TFEC: variants seen among roughly 807,000 people sequenced by gnomAD.
TFEC encodes the protein transcription factor EC.
TFEC carries 31 observed loss-of-function variants against 41.6 expected under a neutral mutation model. That is an observed-to-expected ratio of 0.74 (90% CI 0.56 to 1.01). The LOEUF (loss-of-function observed/expected upper bound fraction) is 1.01. Ranked by LOEUF, TFEC falls within the 50% of genes least tolerant of loss-of-function variation. The pLI, the probability that TFEC is intolerant of heterozygous loss-of-function variation, is 0.00. For missense variants in TFEC, 402 were observed against 404.1 expected, an observed-to-expected ratio of 0.99 and a Z score of 0.04; for synonymous variants, 143 against 140.6, an observed-to-expected ratio of 1.02 and a Z score of -0.12.
chr7:116,071,038 G>C (rs946980674), intron 3 of TFEC, among the ~76,000 whole-genome samples: 1 of 151,170 alleles, frequency 6.6e-6, no homozygotes, highest in Non-Finnish European at 1.5e-5. Flanking sequence ...AGAAAAGAAA[G>C]ACAAAGATTC....
intron 3 of TFEC, among the ~76,000 whole-genome samples, chr7:115,972,348 A>G (rs974812328): frequency 1.3e-5 from 2 of 152,132 alleles, no homozygotes; most frequent in Non-Finnish European, 2.9e-5. Flanking sequence ...GCCTTCAGAG[A>G]CCAATATTTT....
At chr7:116,039,184 A>T (rs1447787030) in intron 3 of TFEC, among the ~76,000 whole-genome samples, 5 of 152,102 alleles carry the variant, frequency 3.3e-5, no homozygotes, top group Admixed American at 6.6e-5. Context: ...AACTTTTCCC[A>T]GGAAATCACT....
chr7:116,119,727 T>A (rs1163014096), intron 1 of TFEC, among the ~76,000 whole-genome samples: 2 of 151,814 alleles, frequency 1.3e-5, no homozygotes, highest in Non-Finnish European at 2.9e-5. Flanking sequence ...TACATTTTAT[T>A]TACCAAAATC....
At chr7:116,038,606 C>T (rs1033727425) in intron 3 of TFEC, among the ~76,000 whole-genome samples, 1 of 151,950 alleles carries the variant, frequency 6.6e-6, no homozygotes, top group Non-Finnish European at 1.5e-5. Context: ...ATGCTATATT[C>T]AAACTAGAGA....
At chr7:116,002,979 G>A (rs182393356) in intron 1 of TFEC, among the ~76,000 whole-genome samples, 143 of 151,920 alleles carry the variant, frequency 9.4e-4, no homozygotes, top group Non-Finnish European at 1.7e-3. Context: ...CACAAAAGGC[G>A]AAAAAAGAGT....
At chr7:116,042,788 T>C (rs1230292475) in intron 3 of TFEC, among the ~76,000 whole-genome samples, 1 of 152,154 alleles carries the variant, frequency 6.6e-6, no homozygotes, top group Non-Finnish European at 1.5e-5. Flanking sequence ...CTAAATTCCA[T>C]TAAGAAATCT....
intron 3 of TFEC, among the ~76,000 whole-genome samples, chr7:116,063,072 A>C (rs1380601959): frequency 6.6e-6 from 1 of 152,246 alleles, no homozygotes; most frequent in Non-Finnish European, 1.5e-5. Flanking sequence ...TTATCAATAC[A>C]AGAGAATACT....
intron 3 of TFEC, among the ~76,000 whole-genome samples, chr7:116,040,636 C>T (rs1285211016): frequency 2.0e-5 from 3 of 152,050 alleles, no homozygotes; most frequent in Non-Finnish European, 4.4e-5. Context: ...TTGTATTGGT[C>T]AGCTTTAAGT....
chr7:116,158,926 A>G (rs1798921877), intron 1 of TFEC, among the ~76,000 whole-genome samples: 1 of 152,012 alleles, frequency 6.6e-6, no homozygotes, highest in Non-Finnish European at 1.5e-5. Flanking sequence ...TTTTGTCCCT[A>G]AAAGATTATA....
intron 1 of TFEC, among the ~76,000 whole-genome samples, chr7:116,010,180 G>A (rs1360865285): frequency 2.0e-5 from 3 of 152,158 alleles, no homozygotes; most frequent in Non-Finnish European, 2.9e-5. Flanking sequence ...GAGGCTAGTA[G>A]GGCCAGCCCA....
chr7:116,012,578 A>C (rs775575764), intron 1 of TFEC, among the ~76,000 whole-genome samples: 1 of 152,122 alleles, frequency 6.6e-6, no homozygotes, highest in Non-Finnish European at 1.5e-5. Context: ...TAAAGCCATA[A>C]ATGGGAACAT....
At chr7:116,104,726 G>C (rs1161276633) in intron 3 of TFEC, among the ~76,000 whole-genome samples, 6 of 149,826 alleles carry the variant, frequency 4.0e-5, no homozygotes, top group Non-Finnish European at 5.9e-5. Flanking sequence ...CAGTCCACTT[G>C]ACATAATTTT....
At chr7:116,099,654 T>C (rs1797558986) in intron 3 of TFEC, among the ~76,000 whole-genome samples, 1 of 152,154 alleles carries the variant, frequency 6.6e-6, no homozygotes, top group Non-Finnish European at 1.5e-5. Context: ...TGTCTTAAAA[T>C]ATCAATCTCC....
At chr7:116,039,931 A>G (rs1443623493) in intron 3 of TFEC, among the ~76,000 whole-genome samples, 1 of 152,092 alleles carries the variant, frequency 6.6e-6, no homozygotes, top group East Asian at 1.9e-4. Context: ...AACAAAGCAA[A>G]ATTAGATAAA....
intron 3 of TFEC, among the ~76,000 whole-genome samples, chr7:116,083,755 G>C (rs1203174403): frequency 6.6e-6 from 1 of 151,864 alleles, no homozygotes; most frequent in Non-Finnish European, 1.5e-5. Flanking sequence ...CTAAATATTA[G>C]TGTAAAAGCT....
chr7:116,148,908 A>T (rs1048316900), intron 1 of TFEC, among the ~76,000 whole-genome samples: 1 of 152,120 alleles, frequency 6.6e-6, no homozygotes, highest in African/African-American at 2.4e-5. Context: ...TACAGAAAAA[A>T]AAAAAATGGC....
At chr7:116,139,408 C>A (rs982672539) in intron 1 of TFEC, among the ~76,000 whole-genome samples, 1 of 152,190 alleles carries the variant, frequency 6.6e-6, no homozygotes, top group Non-Finnish European at 1.5e-5. Flanking sequence ...CTTCTCAACC[C>A]GTCCTCAGCC....
chr7:116,003,622 A>G (rs1250685757), intron 1 of TFEC, among the ~76,000 whole-genome samples: 1 of 152,162 alleles, frequency 6.6e-6, no homozygotes, highest in Non-Finnish European at 1.5e-5. Context: ...AGACAACAAA[A>G]GTATCAATCA....
rs777973648 is a variant in TFEC at position 116,125,520 on chromosome 7, T to G, written c.-68-13482A>C. Among the ~76,000 whole-genome samples the G allele has an allele frequency of 2.5e-3, 384 of 152,274 alleles. 3 individuals are homozygous for G. Among genetic ancestry groups the G allele is most frequent in the Middle Eastern group, 0.01 (3 of 294 alleles). Reference sequence around the variant, plus strand: ...ATGGTTGTGCTTTGGAACAATTAGGTAGCAATGCATGAATTGGTCTTGAAT... The same window carrying G: ...ATGGTTGTGCTTTGGAACAATTAGGGAGCAATGCATGAATTGGTCTTGAAT... On this transcript the variant is annotated intron_variant, in intron 1 of 8. Transcript: ENST00000484212.
Sources: allele counts gnomAD v4.1 joint callset (sites outside exome capture counted in the v4.1 genomes callset), GRCh38; gene constraint gnomAD v4.1.1; transcripts MANE v1.5; gene names NCBI Gene and HGNC (gene_info 2026-07-23, HGNC 2026-07-21).